Variants in TXNDC11 observed in about 807,000 individuals in gnomAD.
TXNDC11 encodes thioredoxin domain-containing protein 11.
Under a neutral mutation model 78.0 loss-of-function variants are expected in TXNDC11, and 68 were observed. The observed-to-expected ratio is 0.87, with a 90% CI of 0.72 to 1.07. The LOEUF (loss-of-function observed/expected upper bound fraction) is 1.07. Among genes scored for constraint, TXNDC11 ranks in the 50% least tolerant of loss-of-function variants. The pLI, the probability that TXNDC11 is intolerant of heterozygous loss-of-function variation, is 0.00. For synonymous variants in TXNDC11, 571 were observed against 495.2 expected (o/e 1.15, Z -2.03); for missense variants, 1,389 against 1,221.8 (o/e 1.14, Z -2.04).
At position 11,698,196 on chromosome 16, in the gene TXNDC11, T is replaced by C. The variant is rs781569063; in HGVS notation, c.1036A>G (p.Lys346Glu). ...AACAGAAACAGCGCTGGTCCTTTCT[T>C]CAGCTCGTTATTCAGCAGGAGACTC... Reference protein sequence around the residue: ...GKSLLLNNELKKGPALFLFIP... With the variant: ...GKSLLLNNELEKGPALFLFIP... The change falls in exon 7 of 12, where the codon AAG (lysine) becomes GAG (glutamate). Residue 346 changes from lysine to glutamate, a missense_variant. Coordinates refer to ENST00000283033, the MANE Select transcript of TXNDC11 (RefSeq NM_015914.7). 2 of 1,614,094 alleles carry C rather than the reference T, an allele frequency of 1.2e-6. No individual in the cohort carries two copies. The highest frequency in any genetic ancestry group is 1.7e-5 in the Admixed American group (1 of 60,010).
At chr16:11,733,081 ACC>A (rs1386700369) in intron 3 of TXNDC11, among the ~76,000 whole-genome samples, 1 of 151,802 alleles carries the variant, frequency 6.6e-6, no homozygotes, top group African/African-American at 2.4e-5. Flanking sequence ...ACATGGTAAA[ACC>A]CCGTCTCTAC....
intron 5 of TXNDC11, among the ~76,000 whole-genome samples, chr16:11,707,599 C>T (rs894428358): frequency 6.6e-5 from 10 of 151,728 alleles, no homozygotes; most frequent in East Asian, 2.0e-4. Context: ...CAGGCGTGCA[C>T]CACCATGCCC....
Position 11,692,033 on chromosome 16 carries a change from A to C in TXNDC11, c.1157T>G (p.Val386Gly), listed in dbSNP as rs1334879899. The change falls in exon 8 of 12, where the codon GTG (valine) becomes GGG (glycine). Residue 386 changes from valine (V) to glycine (G), a missense_variant. Physicochemically the swap from Val to Gly is moderately radical, Grantham distance 109. Transcript: ENST00000283033. ...EYNNCHGDQV[V>G]ERLLQHLRRV... ...CCGCAGGTGCTGAAGGAGACGCTCC[A>C]CCACCTGGTCCCCATGACAGTTGTT... The C allele has an allele frequency of 1.3e-6, 2 of 1,551,446 alleles. No homozygotes were observed. Among genetic ancestry groups the C allele is most frequent in the Non-Finnish European group, 1.7e-6 (2 of 1,148,904 alleles).
chr16:11,708,382 G>A (rs2051243863), intron 5 of TXNDC11, among the ~76,000 whole-genome samples: 1 of 152,154 alleles, frequency 6.6e-6, no homozygotes, highest in African/African-American at 2.4e-5. Flanking sequence ...TGGGGCTCTA[G>A]ACCTATGACT....
intron 1 of TXNDC11, among the ~76,000 whole-genome samples, chr16:11,741,490 CTGCATT>C (rs913163849): frequency 2.0e-5 from 3 of 152,188 alleles, no homozygotes; most frequent in Admixed American, 6.5e-5. Flanking sequence ...CTCAGAAACT[CTGCATT>C]TGCTGTTCGC....
rs8191355 is a variant in TXNDC11, at chr16:11,680,151, G to T, written c.2235-314C>A. Among the ~76,000 whole-genome samples, 319 of 152,352 alleles carry T rather than the reference G, an allele frequency of 2.1e-3. 1 individual carries two copies. The highest frequency in any genetic ancestry group is 3.6e-3 in the Admixed American group (55 of 15,312). ...AAGCCAGTGATGCAGGGCCCCAGGA[G>T]TGTGTAGGCATGGGGCCTCTGTGTG... On this transcript the variant is annotated intron_variant, in intron 11 of 11. Transcript: ENST00000283033.
At chr16:11,702,694 AT>A (rs538525508) in intron 5 of TXNDC11, among the ~76,000 whole-genome samples, 8 of 151,918 alleles carry the variant, frequency 5.3e-5, no homozygotes, top group South Asian at 2.1e-4. Context: ...AAATAAATAA[AT>A]TTTTTTTTAA....
chr16:11,726,643 C>A (rs1478982676), intron 4 of TXNDC11, among the ~76,000 whole-genome samples: 1 of 151,598 alleles, frequency 6.6e-6, no homozygotes, highest in African/African-American at 2.4e-5. Context: ...TCTGAATAGG[C>A]CTTTGAAAGG....
chr16:11,707,991 G>C (rs2051233546), intron 5 of TXNDC11, among the ~76,000 whole-genome samples: 1 of 152,088 alleles, frequency 6.6e-6, no homozygotes, highest in African/African-American at 2.4e-5. Context: ...GGCTGATGCA[G>C]GAGGAATGCT....
intron 11 of TXNDC11, among the ~76,000 whole-genome samples, chr16:11,682,096 T>C (rs977630519): frequency 2.0e-5 from 3 of 152,240 alleles, no homozygotes; most frequent in African/African-American, 7.2e-5. Flanking sequence ...TCACTAAAAA[T>C]AGCATAAGCA....
At chr16:11,693,791 C>T (rs1316769592) in intron 7 of TXNDC11, among the ~76,000 whole-genome samples, 1 of 152,166 alleles carries the variant, frequency 6.6e-6, no homozygotes, top group African/African-American at 2.4e-5. Context: ...GCAGTACTAA[C>T]AAGGTCAAGC....
At chr16:11,733,205 G>A (rs896821393) in intron 3 of TXNDC11, among the ~76,000 whole-genome samples, 1 of 152,026 alleles carries the variant, frequency 6.6e-6, no homozygotes. Flanking sequence ...GCAGTGAGCC[G>A]AGATTGCACC....
rs1305843250 is a variant in TXNDC11, at chr16:11,742,797, C to G, written c.-67G>C. 3 of 1,391,272 alleles carry G rather than the reference C, an allele frequency of 2.2e-6. No individual in the cohort carries two copies. Among genetic ancestry groups the G allele is most frequent in the Non-Finnish European group, 2.8e-6 (3 of 1,078,458 alleles). The allele number at this position is 1,391,272 out of a possible 1,614,324, so 86.2% of individuals were successfully genotyped here. ...TCGGGCCCGAAGGCCCGGCCCGGCC[C>G]GTTGCTCCCCAATCCCGCAGCTCGC... On this transcript the variant is annotated 5_prime_UTR_variant, in exon 1 of 12. Coordinates refer to ENST00000283033, the MANE Select transcript of TXNDC11 (RefSeq NM_015914.7).
At chr16:11,687,026 T>A (rs1011679190) in intron 10 of TXNDC11, among the ~76,000 whole-genome samples, 1 of 152,234 alleles carries the variant, frequency 6.6e-6, no homozygotes, top group African/African-American at 2.4e-5. Flanking sequence ...TCAGATTTGA[T>A]TCTAATTATT....
intron 11 of TXNDC11, among the ~76,000 whole-genome samples, chr16:11,683,938 A>T (rs1191907756): frequency 6.6e-6 from 1 of 151,916 alleles, no homozygotes; most frequent in Non-Finnish European, 1.5e-5. Context: ...TTTTGTACTG[A>T]TGGGGTTTCA....
chr16:11,698,675 A>G (rs569468016), intron 6 of TXNDC11, among the ~76,000 whole-genome samples: 2 of 152,252 alleles, frequency 1.3e-5, no homozygotes, highest in Admixed American at 1.3e-4. Context: ...GGGTATTCAT[A>G]AAAGGACCAA....
At position 11,679,512 on chromosome 16, in the gene TXNDC11, C is replaced by T. The variant is rs561506406; in HGVS notation, c.2560G>A (p.Ala854Thr). The T allele has an allele frequency of 8.4e-5, 136 of 1,613,310 alleles. No homozygotes were observed. The highest frequency in any genetic ancestry group is 3.3e-4 in the Middle Eastern group (2 of 6,060). Residue 854 changes from alanine (A) to threonine (T), a missense_variant, in exon 12 of 12, where the codon GCA (alanine) becomes ACA (threonine). By Grantham distance (58) the Ala-to-Thr change is moderately conservative. Coordinates refer to ENST00000283033, the MANE Select transcript of TXNDC11 (RefSeq NM_015914.7). This position sits in a 1 kb window ranked among gnomAD's most constrained non-coding sequence, Gnocchi z 4.6. ...AGGGCCTGCAGCTGCTCACTGTGTG[C>T]GTGGAGCAGGCTGTGCTGCTCTTCC... Reference protein sequence around the residue: ...ALEEQHSLLHAHSEQLQALYE... With the variant: ...ALEEQHSLLHTHSEQLQALYE...
At chr16:11,730,843 G>T in intron 3 of TXNDC11, 69 bp from the exon 4 acceptor site, 1 of 1,205,522 alleles carries the variant, frequency 8.3e-7, no homozygotes, top group Non-Finnish European at 1.1e-6. Flanking sequence ...AGCCTGTAAT[G>T]TATAACTAAA....
intron 3 of TXNDC11, among the ~76,000 whole-genome samples, chr16:11,731,409 T>C (rs2052041317): frequency 6.6e-6 from 1 of 152,218 alleles, no homozygotes; most frequent in Non-Finnish European, 1.5e-5. Flanking sequence ...TTGGATTCAG[T>C]GCCGCTAAGT....
Sources: gnomAD v4.1 joint callset for allele counts (sites outside exome capture counted in the v4.1 genomes callset) on GRCh38, gnomAD v4.1.1 for gene constraint, Gnocchi (gnomAD v3.1) non-coding constraint, MANE v1.5 for transcripts, NCBI Gene and HGNC (gene_info 2026-07-23, HGNC 2026-07-21) for gene names.